The following DNAAF1 variants were observed in gnomAD, a reference collection of about 807,000 sequenced individuals.
DNAAF1 encodes the protein dynein axonemal assembly factor 1.
A neutral mutation model predicts 71.1 loss-of-function variants in DNAAF1; 65 were observed. The observed-to-expected ratio is 0.91, with a 90% CI of 0.75 to 1.12. The LOEUF (loss-of-function observed/expected upper bound fraction) is 1.12. DNAAF1 is among the 50% of genes most tolerant of loss of function. The pLI, the probability that DNAAF1 is intolerant of heterozygous loss-of-function variation, is 0.00. For synonymous variants in DNAAF1, 414 were observed against 354.6 expected (o/e 1.17, Z -1.88); for missense variants, 1,178 against 899.8 (o/e 1.31, Z -3.96).
Position 84,170,022 on chromosome 16 carries a change from G to C in DNAAF1, c.1194G>C (p.Glu398Asp). 6.2e-7 allele frequency: 1 copy of C among 1,613,876 alleles called. No individual in the cohort carries two copies. The highest frequency in any genetic ancestry group is 1.3e-5 in the African/African-American group (1 of 75,060). ...ELCPEKPSGE[E>D]PPVEAKREDG... ...GCCCGGAAAAGCCAAGTGGAGAGGA[G>C]CCGCCTGTGGAGGCTAAAAGAGAGG... The change falls in exon 8 of 12, where the codon GAG becomes GAC. Residue 398 changes from glutamate (E) to aspartate (D), a missense_variant. By Grantham distance (45) the Glu-to-Asp change is conservative (BLOSUM62 2). Coordinates refer to ENST00000378553, the MANE Select transcript of DNAAF1 (RefSeq NM_178452.6).
At chr16:84,171,264 C>A (rs2088325513) in intron 8 of DNAAF1, among the ~76,000 whole-genome samples, 1 of 151,996 alleles carries the variant, frequency 6.6e-6, no homozygotes, top group Admixed American at 6.6e-5. Flanking sequence ...AGTGAGAAGC[C>A]CCCTTCCCCG....
At position 84,174,617 on chromosome 16, in the gene DNAAF1, G is replaced by A. The variant is rs371392611; in HGVS notation, c.1645-52G>A. 3.2e-5 allele frequency: 52 copies of A among 1,613,782 alleles called. No individual in the cohort carries two copies. The East Asian group carries it at 7.8e-4, about 24-fold the overall frequency. On this transcript the variant is annotated intron_variant, in intron 9 of 11. Transcript: ENST00000378553. ...TTGCCTTTATCGTGCCTATCAGAAC[G>A]TTGACAGTGCGTGTACCTCCCTGGT...
Position 84,169,898 on chromosome 16 carries a change from C to G in DNAAF1, c.1070C>G (p.Ala357Gly). The change falls in exon 8 of 12, where the codon GCC becomes GGC. Residue 357 changes from alanine to glycine, a missense_variant. By Grantham distance (60) the Ala-to-Gly change is moderately conservative (BLOSUM62 0). Coordinates refer to ENST00000378553, the MANE Select transcript of DNAAF1 (RefSeq NM_178452.6). ...TSSDDGENVP[A>G]SAEGKEEPPG... ...TCAGATGATGGTGAGAATGTGCCCGCCAGTGCGGAAGGCAAGGAGGAGCCT... is the reference window on the plus strand; with the variant it reads ...TCAGATGATGGTGAGAATGTGCCCGGCAGTGCGGAAGGCAAGGAGGAGCCT... 6.2e-7 allele frequency: 1 copy of G among 1,614,098 alleles called. No homozygotes were observed. The highest frequency in any genetic ancestry group is 8.5e-7 in the Non-Finnish European group (1 of 1,180,040).
intron 6 of DNAAF1, 68 bp from the exon 7 acceptor site, chr16:84,165,715 C>T: frequency 6.8e-7 from 1 of 1,462,672 alleles, no homozygotes; most frequent in African/African-American, 1.4e-5. Flanking sequence ...AGAAAATGAG[C>T]AAGTTGATCA....
At chr16:84,167,842 C>A (rs185882476) in intron 7 of DNAAF1, among the ~76,000 whole-genome samples, 1 of 151,944 alleles carries the variant, frequency 6.6e-6, no homozygotes, top group Non-Finnish European at 1.5e-5. Flanking sequence ...ATGGAGAAAC[C>A]CCGTCTCTAC....
intron 1 of DNAAF1, among the ~76,000 whole-genome samples, chr16:84,145,794 A>T (rs1212845185): frequency 2.6e-5 from 4 of 152,246 alleles, no homozygotes; most frequent in African/African-American, 9.6e-5. Context: ...TCGGCTAGTC[A>T]GTGACAGAAG....
At position 84,177,834 on chromosome 16, in the gene DNAAF1, C is replaced by T. The variant is rs2088821976; in HGVS notation, c.2171C>T (p.Ala724Val). ...WDLTAFPAPK[A>V]S is the part of the protein sequence containing the mutation. ...CTCACTGCATTCCCAGCACCGAAAGCATCATAGTTTTCCCCAGTTATATGT... is the reference window on the plus strand; with the variant it reads ...CTCACTGCATTCCCAGCACCGAAAGTATCATAGTTTTCCCCAGTTATATGT... The change falls in exon 12 of 12, where the codon GCA becomes GTA. Residue 724 changes from alanine to valine, a missense_variant. Coordinates refer to ENST00000378553, the MANE Select transcript of DNAAF1 (RefSeq NM_178452.6). The T allele has an allele frequency of 6.2e-7, 1 of 1,613,278 alleles. No individual in the cohort carries two copies.
chr16:84,167,858 A>G (rs1196718182), intron 7 of DNAAF1, among the ~76,000 whole-genome samples: 1 of 152,126 alleles, frequency 6.6e-6, no homozygotes, highest in African/African-American at 2.4e-5. Flanking sequence ...TCTACTAAAA[A>G]TAGAAAAAAT....
At chr16:84,175,446 C>A in intron 10 of DNAAF1, 1 of 191,784 alleles carries the variant, frequency 5.2e-6, no homozygotes, top group Non-Finnish European at 1.1e-5. Context: ...CCTACTCCAC[C>A]CAGAGGCCAT....
chr16:84,166,769 G>A (rs2088030783), intron 7 of DNAAF1, among the ~76,000 whole-genome samples: 1 of 152,182 alleles, frequency 6.6e-6, no homozygotes, highest in Admixed American at 6.5e-5. Flanking sequence ...AAACAGTGAT[G>A]AGCTGTTTCA....
intron 1 of DNAAF1, among the ~76,000 whole-genome samples, chr16:84,147,615 C>T (rs2086972782): frequency 6.6e-6 from 1 of 151,912 alleles, no homozygotes; most frequent in African/African-American, 2.4e-5. Flanking sequence ...TGCTCCACTA[C>T]ACCTGGCTTC....
intron 1 of DNAAF1, among the ~76,000 whole-genome samples, chr16:84,147,967 C>A (rs556244089): frequency 6.6e-6 from 1 of 152,068 alleles, no homozygotes; most frequent in South Asian, 2.1e-4. Flanking sequence ...ACTTGGGAGG[C>A]TGAGGCATGA....
chr16:84,169,673 G>C (rs1034730732), intron 7 of DNAAF1, among the ~76,000 whole-genome samples, 186 bp from the exon 8 acceptor site: 1 of 151,938 alleles, frequency 6.6e-6, no homozygotes, highest in East Asian at 1.9e-4. Flanking sequence ...CACCCTCCTC[G>C]GCCTCCCAAA....
chr16:84,146,229 C>T (rs188137707), intron 1 of DNAAF1, among the ~76,000 whole-genome samples: 1 of 152,286 alleles, frequency 6.6e-6, no homozygotes, highest in East Asian at 1.9e-4. Flanking sequence ...TAAATGTGTC[C>T]CTTTATTGCT....
chr16:84,155,033 A>C (rs1276882312), intron 4 of DNAAF1, among the ~76,000 whole-genome samples: 4 of 150,530 alleles, frequency 2.7e-5, no homozygotes, highest in Non-Finnish European at 5.9e-5. Flanking sequence ...CTTAGCCTCC[A>C]AAATAGCTGG....
In DNAAF1 at chr16:84,173,227, G is replaced by A. The variant is rs145611608; in HGVS notation, c.1644+852G>A. 2.2e-5 allele frequency: 21 copies of A among 960,818 alleles called. No homozygotes were observed. The African/African-American group carries it at 3.3e-4, about 15-fold the overall frequency. 59.5% of individuals were successfully genotyped at this position (960,818 alleles called of 1,614,324 possible). On this transcript the variant is annotated intron_variant, in intron 9 of 11. Transcript: ENST00000378553. ...GCCTGTAATCCCAGCACTTTGGGAGGCCGAGGTGGCTGGATCACGAGGTCA... is the reference window on the plus strand; with the variant it reads ...GCCTGTAATCCCAGCACTTTGGGAGACCGAGGTGGCTGGATCACGAGGTCA...
chr16:84,174,413 A>G (rs1446277960), intron 9 of DNAAF1: 1 of 1,383,492 alleles, frequency 7.2e-7, no homozygotes, highest in African/African-American at 1.5e-5. Context: ...CAGAAAAAAG[A>G]TGTGGAAATT....
intron 7 of DNAAF1, among the ~76,000 whole-genome samples, chr16:84,168,398 C>G (rs1044090786): frequency 6.6e-6 from 1 of 152,136 alleles, no homozygotes; most frequent in Admixed American, 6.5e-5. Context: ...TGTAAGGTAA[C>G]GTATTCATAT....
intron 9 of DNAAF1, chr16:84,172,675 T>C: frequency 8.0e-7 from 1 of 1,245,458 alleles, no homozygotes; most frequent in Non-Finnish European, 1.0e-6. Flanking sequence ...TGATTCCTTT[T>C]TGCCAAAGAA....
Sources: allele counts gnomAD v4.1 joint callset (sites outside exome capture counted in the v4.1 genomes callset), GRCh38; gene constraint gnomAD v4.1.1; transcripts MANE v1.5; gene names NCBI Gene and HGNC (gene_info 2026-07-23, HGNC 2026-07-21).